The following CNTNAP2 variants were observed in gnomAD, a reference collection of about 807,000 sequenced individuals.
The protein encoded by CNTNAP2 is contactin-associated protein-like 2.
Under a neutral mutation model 155.2 loss-of-function variants are expected in CNTNAP2, and 98 were observed. The observed-to-expected ratio is 0.63, with a 90% CI of 0.54 to 0.75. The LOEUF (loss-of-function observed/expected upper bound fraction) is 0.75, where lower values mean the gene tolerates loss of function less well. CNTNAP2 is among the 30% of genes least tolerant of loss of function. CNTNAP2 has a pLI of 0.00. For missense variants in CNTNAP2, 1,727 were observed against 1,688.1 expected, an observed-to-expected ratio of 1.02 and a Z score of -0.40; for synonymous variants, 651 against 631.2, an observed-to-expected ratio of 1.03 and a Z score of -0.47.
chr7:146,888,550 G>T (rs1795714502), intron 3 of CNTNAP2, among the ~76,000 whole-genome samples: 1 of 151,720 alleles, frequency 6.6e-6, no homozygotes, highest in African/African-American at 2.4e-5. Flanking sequence ...AAATAATCAA[G>T]ACCACCATTT....
intron 3 of CNTNAP2, among the ~76,000 whole-genome samples, chr7:147,031,893 G>A (rs191228159): frequency 2.0e-4 from 31 of 152,274 alleles, no homozygotes; most frequent in East Asian, 7.7e-4. Context: ...ATTCCAGCCC[G>A]GACAACAGAA....
At chr7:148,122,596 CA>C (rs759794034) in intron 16 of CNTNAP2, among the ~76,000 whole-genome samples, 2 of 152,032 alleles carry the variant, frequency 1.3e-5, no homozygotes, top group Non-Finnish European at 2.9e-5. Context: ...TGCACTCTGC[CA>C]GGGGGAGCAT....
At position 148,219,175 on chromosome 7, in the gene CNTNAP2, C is replaced by T. The variant is rs571336680; in HGVS notation, c.3247+1651C>T. ...CAAGACAATCTCAATCTCTTGACCT[C>T]GTGATCCACCTGCCTTGGCCTCCCA... On this transcript the variant is annotated intron_variant, in intron 19 of 23. Transcript: ENST00000361727. 9.2e-5 allele frequency among the ~76,000 whole-genome samples: 14 copies of T among 152,032 alleles called. 1 individual carries two copies. In the South Asian group the frequency reaches 2.3e-3, roughly 25 times the overall value.
intron 1 of CNTNAP2, among the ~76,000 whole-genome samples, chr7:146,470,698 T>C (rs534736033): frequency 6.6e-6 from 1 of 152,102 alleles, no homozygotes; most frequent in Admixed American, 6.6e-5. Flanking sequence ...GCCTCCCGAG[T>C]AGCTGGGATT....
intron 14 of CNTNAP2, among the ~76,000 whole-genome samples, chr7:147,907,304 C>T (rs1291698049): frequency 6.6e-6 from 1 of 152,182 alleles, no homozygotes; most frequent in Non-Finnish European, 1.5e-5. Context: ...GATCTGCCCA[C>T]CTCGGCCTCC....
chr7:148,366,515 C>A (rs1220586933), intron 21 of CNTNAP2, among the ~76,000 whole-genome samples: 1 of 152,182 alleles, frequency 6.6e-6, no homozygotes. Context: ...TTTTATTTCA[C>A]TCTTTCTATA....
At chr7:146,559,176 A>G (rs1245438617) in intron 1 of CNTNAP2, among the ~76,000 whole-genome samples, 1 of 152,126 alleles carries the variant, frequency 6.6e-6, no homozygotes, top group East Asian at 1.9e-4. Context: ...CAAATACCTG[A>G]CCATCATTTC....
At chr7:147,647,323 G>A (rs747695882) in intron 13 of CNTNAP2, among the ~76,000 whole-genome samples, 1 of 150,460 alleles carries the variant, frequency 6.6e-6, no homozygotes, top group Non-Finnish European at 1.5e-5. Context: ...TTTTTTTAAC[G>A]AGGGTCAGAG....
chr7:148,218,595 T>C (rs776415110), intron 19 of CNTNAP2, among the ~76,000 whole-genome samples: 1 of 152,004 alleles, frequency 6.6e-6, no homozygotes, highest in Non-Finnish European at 1.5e-5. Context: ...GGTCTCACGA[T>C]GTTGCCAGGC....
intron 2 of CNTNAP2, among the ~76,000 whole-genome samples, chr7:146,827,513 T>TA (rs1412805975): frequency 6.6e-6 from 1 of 151,800 alleles, no homozygotes; most frequent in Non-Finnish European, 1.5e-5. Flanking sequence ...TTTTTTTTTT[T>TA]TATATCAGAG....
chr7:146,515,457 G>C (rs1797526992), intron 1 of CNTNAP2, among the ~76,000 whole-genome samples: 1 of 152,044 alleles, frequency 6.6e-6, no homozygotes, highest in Admixed American at 6.6e-5. Flanking sequence ...GATTTTCACA[G>C]CCTAAGTTTT....
chr7:146,507,065 C>T (rs541160567), intron 1 of CNTNAP2, among the ~76,000 whole-genome samples: 15 of 152,240 alleles, frequency 9.9e-5, no homozygotes, highest in African/African-American at 3.6e-4. Context: ...AAGTAGGAGC[C>T]CCACTTTGCT....
At chr7:147,273,459 C>T (rs1804808232) in intron 8 of CNTNAP2, among the ~76,000 whole-genome samples, 1 of 151,794 alleles carries the variant, frequency 6.6e-6, no homozygotes, top group South Asian at 2.1e-4. Flanking sequence ...CACCCATCAC[C>T]CGAATAGTGA....
At chr7:147,079,623 ATGC>A (rs1800077735) in intron 4 of CNTNAP2, among the ~76,000 whole-genome samples, 1 of 149,826 alleles carries the variant, frequency 6.7e-6, no homozygotes, top group African/African-American at 2.4e-5. Flanking sequence ...AATAATAATA[ATGC>A]TAATAATAAT....
At chr7:146,126,015 G>A (rs917582103) in intron 1 of CNTNAP2, among the ~76,000 whole-genome samples, 1 of 152,108 alleles carries the variant, frequency 6.6e-6, no homozygotes, top group Non-Finnish European at 1.5e-5. Flanking sequence ...TTCAAATCAG[G>A]CACTACTCTT....
intron 13 of CNTNAP2, among the ~76,000 whole-genome samples, chr7:147,660,499 A>G (rs542453955): frequency 3.9e-5 from 6 of 152,218 alleles, no homozygotes; most frequent in Non-Finnish European, 8.8e-5. Context: ...CTCTGACACC[A>G]GATGCATTGG....
At chr7:147,682,963 G>C (rs1198776270) in intron 13 of CNTNAP2, among the ~76,000 whole-genome samples, 9 of 151,700 alleles carry the variant, frequency 5.9e-5, no homozygotes, top group Admixed American at 5.9e-4. Flanking sequence ...CATCTAAAGG[G>C]TTTACACACA....
chr7:146,238,445 G>A (rs145844193), intron 1 of CNTNAP2, among the ~76,000 whole-genome samples: 165 of 152,262 alleles, frequency 1.1e-3, no homozygotes, highest in Non-Finnish European at 1.9e-3. Flanking sequence ...AAAAATGTCC[G>A]AAGTTTGGAC....
chr7:147,000,536 G>C (rs1184799783), intron 3 of CNTNAP2, among the ~76,000 whole-genome samples: 2 of 152,032 alleles, frequency 1.3e-5, no homozygotes, highest in African/African-American at 2.4e-5. Context: ...ATATCCTTCA[G>C]TGTTAAGCCT....
Sources: gnomAD v4.1 joint callset for allele counts (sites outside exome capture counted in the v4.1 genomes callset) on GRCh38, gnomAD v4.1.1 for gene constraint, MANE v1.5 for transcripts, NCBI Gene and HGNC (gene_info 2026-07-23, HGNC 2026-07-21) for gene names.